The following MAST4 variants were observed in gnomAD, a reference collection of about 807,000 sequenced individuals.
The protein encoded by MAST4 is microtubule associated serine/threonine kinase family member 4, also known as microtubule-associated serine/threonine-protein kinase 4.
In MAST4, 89 loss-of-function variants were observed where a neutral mutation model predicts 162.7. The ratio of observed to expected loss-of-function variants is 0.55; its 90% CI spans 0.46 to 0.65. The LOEUF is 0.65. Ranked by LOEUF, MAST4 falls within the 30% of genes least tolerant of loss-of-function variation. The pLI is 0.00. For synonymous variants in MAST4, 1,479 were observed against 1,361.1 expected (o/e 1.09, Z -1.91); for missense variants, 3,153 against 3,374.0 (o/e 0.93, Z 1.62).
chr5:66,827,992 A>T (rs927690539), intron 3 of MAST4, among the ~76,000 whole-genome samples: 5 of 152,178 alleles, frequency 3.3e-5, no homozygotes, highest in African/African-American at 1.2e-4. Flanking sequence ...AGACTGTGAA[A>T]TTGCACGATG....
intron 10 of MAST4, among the ~76,000 whole-genome samples, chr5:67,106,071 TGG>T (rs1260848250): frequency 1.3e-5 from 2 of 152,218 alleles, no homozygotes; most frequent in African/African-American, 4.8e-5. Context: ...TTATTGTTCT[TGG>T]GACATCTCTG....
At chr5:66,697,122 T>C (rs1749457227) in intron 1 of MAST4, among the ~76,000 whole-genome samples, 2 of 152,206 alleles carry the variant, frequency 1.3e-5, no homozygotes, top group African/African-American at 4.8e-5. Context: ...AGAAGTCAAC[T>C]TCTCACTTCA....
chr5:66,882,815 C>T (rs1761776263), intron 3 of MAST4, among the ~76,000 whole-genome samples: 2 of 152,196 alleles, frequency 1.3e-5, no homozygotes, highest in South Asian at 4.2e-4. Flanking sequence ...GTGTATGACG[C>T]AGAAGAGGCA....
At chr5:67,006,413 C>G (rs1752039575) in intron 4 of MAST4, among the ~76,000 whole-genome samples, 1 of 152,174 alleles carries the variant, frequency 6.6e-6, no homozygotes, top group Admixed American at 6.5e-5. Context: ...CAACCATGCA[C>G]CAAACCTCCA....
chr5:66,773,543 T>C (rs975943684), intron 2 of MAST4, among the ~76,000 whole-genome samples: 2 of 152,232 alleles, frequency 1.3e-5, no homozygotes, highest in African/African-American at 4.8e-5. Flanking sequence ...ATGTCATGGT[T>C]TGTGTCCTCT....
chr5:66,753,623 G>C lies in MAST4; in HGVS notation c.364-6086G>C, dbSNP rs1020366423. ...CAGGAAGAAGTTGAATCTCTGAATAGACCAATAACAGGCTCTGAAATTGTG... is the reference window on the plus strand; with the variant it reads ...CAGGAAGAAGTTGAATCTCTGAATACACCAATAACAGGCTCTGAAATTGTG... On this transcript the variant is annotated intron_variant, in intron 1 of 28. Coordinates refer to ENST00000403625, the MANE Select transcript of MAST4 (RefSeq NM_001164664.2). 4.9e-4 allele frequency among the ~76,000 whole-genome samples: 75 copies of C among 151,728 alleles called. 3 individuals carry two copies. Among genetic ancestry groups the C allele is most frequent in the African/African-American group, 1.7e-3 (72 of 41,288 alleles).
chr5:66,767,247 T>C (rs1195629445), intron 2 of MAST4, among the ~76,000 whole-genome samples: 2 of 150,738 alleles, frequency 1.3e-5, no homozygotes, highest in African/African-American at 4.9e-5. Context: ...CCTGCTGGCC[T>C]TGCCTCAGCA....
intron 1 of MAST4, among the ~76,000 whole-genome samples, chr5:66,606,080 A>G (rs1480264101): frequency 1.4e-5 from 2 of 145,820 alleles, no homozygotes; most frequent in Non-Finnish European, 2.9e-5. Context: ...GTATCAGGTT[A>G]CCTGTCATTC....
chr5:66,771,739 A>T (rs182464957), intron 2 of MAST4, among the ~76,000 whole-genome samples: 11 of 150,044 alleles, frequency 7.3e-5, no homozygotes, highest in Admixed American at 2.0e-4. Flanking sequence ...CCTTTAGAAT[A>T]AGAAACTGGT....
chr5:66,826,561 C>T (rs1757267059), intron 3 of MAST4, among the ~76,000 whole-genome samples: 1 of 152,002 alleles, frequency 6.6e-6, no homozygotes, highest in African/African-American at 2.4e-5. Context: ...CTCCTGATGA[C>T]CCGATTTGTG....
chr5:66,769,489 A>C (rs1027412921), intron 2 of MAST4, among the ~76,000 whole-genome samples: 8 of 152,326 alleles, frequency 5.3e-5, no homozygotes, highest in African/African-American at 1.9e-4. Context: ...GTGATTTCCT[A>C]ATGCAAACAT....
intron 3 of MAST4, chr5:66,828,756 C>T: frequency 3.2e-6 from 5 of 1,552,814 alleles, no homozygotes; most frequent in Non-Finnish European, 4.4e-6. Flanking sequence ...TGTTTAGCAG[C>T]TGCCGGGCTC....
chr5:66,993,719 C>T (rs901552137), intron 4 of MAST4, among the ~76,000 whole-genome samples: 4 of 152,084 alleles, frequency 2.6e-5, no homozygotes, highest in African/African-American at 9.7e-5. Context: ...TTCTGACAGG[C>T]ACATAAACAA....
chr5:66,862,198 T>G (rs1032812033), intron 3 of MAST4, among the ~76,000 whole-genome samples: 2 of 152,212 alleles, frequency 1.3e-5, no homozygotes, highest in Non-Finnish European at 1.5e-5. Context: ...GGGTACAACT[T>G]AGAGCTATGT....
intron 4 of MAST4, among the ~76,000 whole-genome samples, chr5:66,935,085 G>A (rs534801773): frequency 2.0e-5 from 3 of 152,238 alleles, no homozygotes; most frequent in South Asian, 2.1e-4. Flanking sequence ...TGAGGCTTTC[G>A]TGAGAGAGTG....
intron 16 of MAST4, among the ~76,000 whole-genome samples, 178 bp from the exon 17 acceptor site, chr5:67,133,336 C>T (rs1274305529): frequency 6.6e-6 from 1 of 152,102 alleles, no homozygotes; most frequent in Non-Finnish European, 1.5e-5. Context: ...CACTCAGCTG[C>T]TAGATGGAAG....
intron 4 of MAST4, chr5:66,986,495 C>T (rs1749510043): frequency 1.3e-6 from 2 of 1,565,786 alleles, no homozygotes. Context: ...GAATTGCCAC[C>T]ACATTAAATA....
chr5:67,139,460 T>C (rs1770098936), intron 19 of MAST4, among the ~76,000 whole-genome samples: 1 of 152,160 alleles, frequency 6.6e-6, no homozygotes, highest in African/African-American at 2.4e-5. Flanking sequence ...GAATATTGAG[T>C]GGCAGCCTGA....
intron 4 of MAST4, among the ~76,000 whole-genome samples, chr5:67,031,402 G>T (rs1755302854): frequency 6.6e-6 from 1 of 152,128 alleles, no homozygotes; most frequent in Non-Finnish European, 1.5e-5. Flanking sequence ...GATCATTCAT[G>T]CAGTGAACTT....
Sources: allele counts gnomAD v4.1 joint callset (sites outside exome capture counted in the v4.1 genomes callset), GRCh38; gene constraint gnomAD v4.1.1; transcripts MANE v1.5; gene names NCBI Gene and HGNC (gene_info 2026-07-23, HGNC 2026-07-21).